The following KCNC2 variants were observed in gnomAD, a reference collection of about 807,000 sequenced individuals.
KCNC2 encodes the protein voltage-gated potassium channel KCNC2.
A neutral mutation model predicts 44.5 loss-of-function variants in KCNC2; 21 were observed. The observed-to-expected ratio is 0.47, with a 90% CI of 0.33 to 0.68. The LOEUF is 0.68. KCNC2 is among the 30% of genes least tolerant of loss of function. The probability of loss-of-function intolerance (pLI) is 0.01; values close to 1 mark genes in which losing one functional copy is unlikely to be tolerated. For missense variants in KCNC2, 589 were observed against 826.2 expected, an observed-to-expected ratio of 0.71 and a Z score of 3.52; for synonymous variants, 391 against 339.1, an observed-to-expected ratio of 1.15 and a Z score of -1.68.
In KCNC2 at chr12:75,042,998, G is replaced by C. The variant is rs1880083173; in HGVS notation, c.*107C>G. 16 of 1,525,354 alleles carry C rather than the reference G, an allele frequency of 1.0e-5. No homozygotes were observed. Among genetic ancestry groups the C allele is most frequent in the Non-Finnish European group, 1.3e-5 (15 of 1,138,500 alleles). 94.5% of individuals were successfully genotyped at this position (1,525,354 alleles called of 1,614,324 possible). On this transcript the variant is annotated 3_prime_UTR_variant, in exon 5 of 5. Transcript: ENST00000549446. Reference sequence around the variant, plus strand: ...TGTAGTATCATGCAAGATTTATACTGTATTAATGGAGCCTGGAGTAACTCT... The same window carrying C: ...TGTAGTATCATGCAAGATTTATACTCTATTAATGGAGCCTGGAGTAACTCT...
chr12:75,076,079 AC>A (rs1883942266), intron 2 of KCNC2, among the ~76,000 whole-genome samples: 5 of 146,870 alleles, frequency 3.4e-5, no homozygotes, highest in Admixed American at 6.8e-5. Context: ...ACACACACAC[AC>A]GCTTACAAAC....
At chr12:75,165,468 A>G (rs897296266) in intron 2 of KCNC2, among the ~76,000 whole-genome samples, 1 of 151,578 alleles carries the variant, frequency 6.6e-6, no homozygotes, top group African/African-American at 2.4e-5. Flanking sequence ...TAACTAATTT[A>G]TACAATAAGA....
chr12:75,167,766 T>A (rs972112557), intron 2 of KCNC2, among the ~76,000 whole-genome samples: 1 of 151,324 alleles, frequency 6.6e-6, no homozygotes, highest in African/African-American at 2.4e-5. Context: ...AACCCAATAA[T>A]TTTTTTATTA....
At chr12:75,141,452 G>A (rs1889646059) in intron 2 of KCNC2, among the ~76,000 whole-genome samples, 1 of 152,122 alleles carries the variant, frequency 6.6e-6, no homozygotes, top group Non-Finnish European at 1.5e-5. Flanking sequence ...GTAATTATTT[G>A]ACACTTTGAT....
intron 2 of KCNC2, among the ~76,000 whole-genome samples, chr12:75,108,800 T>G (rs1886992989): frequency 1.3e-5 from 2 of 152,184 alleles, no homozygotes; most frequent in African/African-American, 4.8e-5. Flanking sequence ...ATTTAAGCAT[T>G]TTTTCCCTGG....
At chr12:75,073,796 A>T (rs533638493) in intron 2 of KCNC2, among the ~76,000 whole-genome samples, 2 of 152,256 alleles carry the variant, frequency 1.3e-5, no homozygotes, top group East Asian at 3.9e-4. Flanking sequence ...CTAGGTAGTA[A>T]TTATCATTCC....
At chr12:75,113,814 G>GGTCT (rs1253061376) in intron 2 of KCNC2, among the ~76,000 whole-genome samples, 1 of 152,130 alleles carries the variant, frequency 6.6e-6, no homozygotes, top group East Asian at 1.9e-4. Context: ...ACAGGGCATT[G>GGTCT]GTCTGTCCTT....
chr12:75,103,101 G>A (rs955421279), intron 2 of KCNC2, among the ~76,000 whole-genome samples: 6 of 152,016 alleles, frequency 3.9e-5, no homozygotes, highest in Non-Finnish European at 8.8e-5. Flanking sequence ...AGAAGGTGCC[G>A]AATTGCTTGC....
intron 2 of KCNC2, among the ~76,000 whole-genome samples, chr12:75,094,425 T>C (rs1292759981): frequency 2.0e-5 from 3 of 151,674 alleles, no homozygotes; most frequent in African/African-American, 4.8e-5. Flanking sequence ...GCAAAATCAT[T>C]CTGTTCTTGT....
intron 2 of KCNC2, among the ~76,000 whole-genome samples, chr12:75,117,943 A>T (rs1366814212): frequency 2.0e-5 from 3 of 152,168 alleles, no homozygotes; most frequent in Non-Finnish European, 2.9e-5. Flanking sequence ...GAGTTGTACA[A>T]CTCAGTCATC....
At chr12:75,183,261 T>C (rs1565672679) in intron 2 of KCNC2, among the ~76,000 whole-genome samples, 1 of 152,160 alleles carries the variant, frequency 6.6e-6, no homozygotes, top group Non-Finnish European at 1.5e-5. Flanking sequence ...GCTCAAATAT[T>C]CTCCACAAAG....
intron 2 of KCNC2, among the ~76,000 whole-genome samples, chr12:75,123,636 A>G (rs1242659583): frequency 3.3e-5 from 5 of 152,152 alleles, no homozygotes; most frequent in Non-Finnish European, 7.4e-5. Context: ...TTCTAAACCA[A>G]TAGAGTACAA....
chr12:75,185,415 A>C (rs1215193727), intron 2 of KCNC2, among the ~76,000 whole-genome samples: 1 of 152,158 alleles, frequency 6.6e-6, no homozygotes, highest in African/African-American at 2.4e-5. Flanking sequence ...TGTTTGGGTC[A>C]TGGGCGCATG....
At position 75,150,162 on chromosome 12, in the gene KCNC2, A is replaced by C. The variant is rs1382039721; in HGVS notation, c.687+57135T>G. 5.3e-5 allele frequency among the ~76,000 whole-genome samples: 8 copies of C among 151,964 alleles called. No homozygotes were observed. The East Asian group carries it at 1.5e-3, about 29-fold the overall frequency. The stretch of plus-strand genomic sequence containing the variant: ...ACAAGCTTTACTCATAGGACACAAA[A>C]AATTCCTTTATTACAACAAAAATTC... On this transcript the variant is annotated intron_variant, in intron 2 of 4. Transcript: ENST00000549446.
At chr12:75,090,522 G>C (rs946028056) in intron 2 of KCNC2, among the ~76,000 whole-genome samples, 1 of 151,604 alleles carries the variant, frequency 6.6e-6, no homozygotes, top group Non-Finnish European at 1.5e-5. Flanking sequence ...GCTTAGCACA[G>C]CATTAAGGAA....
Position 75,207,309 on chromosome 12 carries a change from G to A in KCNC2, c.675C>T (p.Ser225=). ...MWALFEDPYS[S]RAARFIAFAS... ...ATTCTGGCCTTACCCTGGCGGCTCT[G>A]GACGAGTAGGGGTCTTCGAAGAGGG... is the stretch of plus-strand genomic sequence containing the variant. The change falls in exon 2 of 5, where the codon TCC becomes TCT. Residue 225 remains serine (S), a synonymous_variant. Coordinates refer to ENST00000549446, the MANE Select transcript of KCNC2 (RefSeq NM_139137.4). This position sits in a 1 kb window ranked among gnomAD's most constrained non-coding sequence, Gnocchi z 4.1. The A allele has an allele frequency of 6.5e-7, 1 of 1,547,812 alleles. No individual in the cohort carries two copies. The highest frequency in any genetic ancestry group is 8.7e-7 in the Non-Finnish European group (1 of 1,151,026).
intron 2 of KCNC2, among the ~76,000 whole-genome samples, chr12:75,178,195 A>C (rs1479169925): frequency 2.0e-5 from 3 of 152,048 alleles, no homozygotes. Context: ...CCAGTGAGTC[A>C]TTGTCTGACT....
At chr12:75,086,672 AAAAAAAAAAAT>A (rs1490217350) in intron 2 of KCNC2, among the ~76,000 whole-genome samples, 21 of 87,518 alleles carry the variant, frequency 2.4e-4, no homozygotes, top group African/African-American at 1.1e-3. Context: ...AAAAAAAAAA[AAAAAAAAAAAT>A]ATATATATAT....
intron 2 of KCNC2, among the ~76,000 whole-genome samples, chr12:75,097,573 G>A (rs1030657486): frequency 6.6e-6 from 1 of 151,806 alleles, no homozygotes; most frequent in African/African-American, 2.4e-5. Flanking sequence ...AATAAATAAA[G>A]GCCCATTACA....
Sources: allele counts gnomAD v4.1 joint callset (sites outside exome capture counted in the v4.1 genomes callset), GRCh38; gene constraint gnomAD v4.1.1; non-coding constraint Gnocchi (gnomAD v3.1); transcripts MANE v1.5; gene names NCBI Gene and HGNC (gene_info 2026-07-23, HGNC 2026-07-21).